Variants in CENPF observed in about 807,000 individuals in gnomAD.
CENPF encodes the protein AH antigen.
A neutral mutation model predicts 307.3 loss-of-function variants in CENPF; 214 were observed. That is an observed-to-expected ratio of 0.70 (90% CI 0.62 to 0.78). The LOEUF is 0.78. CENPF is among the 30% of genes least tolerant of loss of function. The probability of loss-of-function intolerance (pLI) is 0.00; values close to 1 mark genes in which losing one functional copy is unlikely to be tolerated. For synonymous variants in CENPF, 1,259 were observed against 1,270.6 expected, an observed-to-expected ratio of 0.99 and a Z score of 0.19; for missense variants, 3,401 against 3,483.9, an observed-to-expected ratio of 0.98 and a Z score of 0.60.
chr1:214,648,063 G>A, intron 13 of CENPF: 1 of 419,600 alleles, frequency 2.4e-6, no homozygotes, highest in South Asian at 1.7e-5. Flanking sequence ...CTAGGAAAGT[G>A]ATTTTGTCAC....
Position 214,648,739 on chromosome 1 carries a change from C to T in CENPF, c.7895C>T (p.Thr2632Ile). Residue 2632 changes from threonine (T) to isoleucine (I), a missense_variant, in exon 14 of 20, where the codon ACA (threonine) becomes ATA (isoleucine). Physicochemically the swap from Thr to Ile is moderately conservative, Grantham distance 89. Coordinates refer to ENST00000366955, the MANE Select transcript of CENPF (RefSeq NM_016343.4). The part of the protein sequence containing the change: ...QREMHEMAQK[T>I]AELQEELSGE... Reference sequence around the variant, plus strand: ...GAAATGCATGAGATGGCACAGAAAACAGCAGAGCTGCAAGAAGAACTCAGT... The same window carrying T: ...GAAATGCATGAGATGGCACAGAAAATAGCAGAGCTGCAAGAAGAACTCAGT... 1 of 1,614,032 alleles carries T rather than the reference C, an allele frequency of 6.2e-7. No homozygotes were observed. Among genetic ancestry groups the T allele is most frequent in the Non-Finnish European group, 8.5e-7 (1 of 1,179,958 alleles).
At chr1:214,639,891 C>A in intron 11 of CENPF, 30 bp from the exon 12 acceptor site, 1 of 1,437,052 alleles carries the variant, frequency 7.0e-7, no homozygotes, top group Non-Finnish European at 9.2e-7. Context: ...TTATTACAAA[C>A]ATTGACGACT....
intron 17 of CENPF, among the ~76,000 whole-genome samples, chr1:214,656,132 G>A (rs955750686): frequency 6.6e-6 from 1 of 152,164 alleles, no homozygotes; most frequent in Non-Finnish European, 1.5e-5. Flanking sequence ...GTGAGGGTGG[G>A]AGGCATATTT....
intron 7 of CENPF, among the ~76,000 whole-genome samples, chr1:214,626,495 G>C (rs1657659261): frequency 6.6e-6 from 1 of 152,190 alleles, no homozygotes. Context: ...GATATATAAA[G>C]GAACAATGGT....
intron 14 of CENPF, among the ~76,000 whole-genome samples, chr1:214,650,550 A>G (rs11801610): frequency 0.059 from 9,049 of 152,186 alleles, 874 homozygotes; most frequent in African/African-American, 0.21. Context: ...AAGGCTTGAT[A>G]AGGCAAACAC....
At chr1:214,652,187 C>A (rs1658492235) in intron 15 of CENPF, among the ~76,000 whole-genome samples, 1 of 151,046 alleles carries the variant, frequency 6.6e-6, no homozygotes, top group South Asian at 2.1e-4. Context: ...AGGTGCCCGC[C>A]ACCACGCCCG....
At chr1:214,612,307 C>T (rs929697945) in intron 1 of CENPF, among the ~76,000 whole-genome samples, 9 of 152,126 alleles carry the variant, frequency 5.9e-5, no homozygotes, top group Non-Finnish European at 1.2e-4. Flanking sequence ...AACCGTAAAT[C>T]CTGGCGATGA....
intron 1 of CENPF, chr1:214,608,948 G>A (rs943140788): frequency 2.8e-6 from 3 of 1,062,702 alleles, no homozygotes; most frequent in African/African-American, 1.7e-5. Flanking sequence ...GGGCAGGGGG[G>A]AGGGCGCCCC....
intron 1 of CENPF, among the ~76,000 whole-genome samples, chr1:214,604,564 C>T (rs1375293543): frequency 6.6e-6 from 1 of 152,022 alleles, no homozygotes; most frequent in Non-Finnish European, 1.5e-5. Flanking sequence ...ATGTTTATTC[C>T]CCTCATTTTC....
chr1:214,639,088 C>T (rs1186354546), intron 11 of CENPF, among the ~76,000 whole-genome samples: 1 of 152,206 alleles, frequency 6.6e-6, no homozygotes, highest in Non-Finnish European at 1.5e-5. Context: ...GATATGATGT[C>T]TGAGATTGTA....
In CENPF at chr1:214,639,978, A is replaced by G; in HGVS notation, c.1640A>G (p.Gln547Arg). 1 of 1,573,496 alleles carries G rather than the reference A, an allele frequency of 6.4e-7. No homozygotes were observed. The highest frequency in any genetic ancestry group is 8.6e-7 in the Non-Finnish European group (1 of 1,168,810). ...LRDLQEKINQ[Q>R]ENSLTLEKLK... ...GATCTTCAAGAAAAAATAAATCAGC[A>G]AGAAAACTCCTTGACTTTAGAAAAA... is the stretch of plus-strand genomic sequence containing the variant. The change falls in exon 12 of 20, where the codon CAA (glutamine) becomes CGA (arginine). Residue 547 changes from glutamine to arginine, a missense_variant. Gln to Arg is a conservative substitution (Grantham distance 43). Coordinates refer to ENST00000366955, the MANE Select transcript of CENPF (RefSeq NM_016343.4).
chr1:214,606,506 C>T (rs1657038104), intron 1 of CENPF, among the ~76,000 whole-genome samples: 1 of 152,198 alleles, frequency 6.6e-6, no homozygotes, highest in Non-Finnish European at 1.5e-5. Flanking sequence ...GCCAGGACAG[C>T]GGACACTCTT....
Position 214,643,216 on chromosome 1 carries a change from A to G in CENPF, c.4878A>G (p.Ala1626=), listed in dbSNP as rs201352796. The part of the protein sequence containing the change: ...VTLEMESKLA[A]EKKQTEQLSL... ...TGGAGATGGAGTCCAAGTTGGCGGC[A>G]GAAAAGAAACAGACGGAACAACTGT... Residue 1626 remains alanine (A), a synonymous_variant, in exon 12 of 20, where the codon GCA becomes GCG. Coordinates refer to ENST00000366955, the MANE Select transcript of CENPF (RefSeq NM_016343.4). The G allele has an allele frequency of 7.3e-4, 1,179 of 1,604,394 alleles. No individual in the cohort carries two copies. Among genetic ancestry groups the G allele is most frequent in the Non-Finnish European group, 9.4e-4 (1,107 of 1,176,848 alleles).
Position 214,646,792 on chromosome 1 carries a change from A to G in CENPF, c.7222A>G (p.Ile2408Val), listed in dbSNP as rs1474203926. The G allele has an allele frequency of 6.2e-7, 1 of 1,611,494 alleles. No individual in the cohort carries two copies. Among genetic ancestry groups the G allele is most frequent in the Non-Finnish European group, 8.5e-7 (1 of 1,178,972 alleles). ...TGAATTACAAAAAGAGCAAGAGCGA[A>G]TATCTGAATTAGAAATAATAAATTC... ...TNELQKEQER[I>V]SELEIINSSF... Residue 2408 changes from isoleucine to valine, a missense_variant, in exon 13 of 20, where the codon ATA becomes GTA. Physicochemically the swap from Ile to Val is conservative, Grantham distance 29 (BLOSUM62 3). Coordinates refer to ENST00000366955, the MANE Select transcript of CENPF (RefSeq NM_016343.4).
intron 1 of CENPF, chr1:214,605,730 A>T: frequency 6.3e-7 from 1 of 1,594,232 alleles, no homozygotes; most frequent in Non-Finnish European, 8.5e-7. Context: ...CCCTCCAGGT[A>T]CTGGCTGTAG....
In CENPF at chr1:214,642,627, C is replaced by G. The variant is rs76231205; in HGVS notation, c.4289C>G (p.Ser1430Cys). The G allele has an allele frequency of 4.1e-4, 659 of 1,613,564 alleles. 2 individuals carry two copies. In the African/African-American group the frequency reaches 8.1e-3, roughly 20 times the overall value. The change falls in exon 12 of 20, where the codon TCT becomes TGT. Residue 1430 changes from serine (S) to cysteine (C), a missense_variant. Coordinates refer to ENST00000366955, the MANE Select transcript of CENPF (RefSeq NM_016343.4). ...ILHDQHCQMS[S>C]KMSELQTYVD... Reference sequence around the variant, plus strand: ...CATGATCAGCACTGTCAGATGAGCTCTAAAATGTCAGAGCTGCAGACCTAT... The same window carrying G: ...CATGATCAGCACTGTCAGATGAGCTGTAAAATGTCAGAGCTGCAGACCTAT...
chr1:214,651,801 T>C lies in CENPF; in HGVS notation c.8075T>C (p.Val2692Ala), dbSNP rs775287543. 1.9e-6 allele frequency: 3 copies of C among 1,613,342 alleles called. No individual in the cohort carries two copies. The highest frequency in any genetic ancestry group is 2.5e-6 in the Non-Finnish European group (3 of 1,179,792). Residue 2692 changes from valine (V) to alanine (A), a missense_variant, in exon 15 of 20, where the codon GTG becomes GCG. Val to Ala is a moderately conservative substitution (Grantham distance 64). Coordinates refer to ENST00000366955, the MANE Select transcript of CENPF (RefSeq NM_016343.4). ...GACCAGGTGGAAAAGGAAGGGAAAGTGAGAGAGGAAATAGCTGAATATCAG... is the reference window on the plus strand; with the variant it reads ...GACCAGGTGGAAAAGGAAGGGAAAGCGAGAGAGGAAATAGCTGAATATCAG... ...HKDQVEKEGKVREEIAEYQLR... is the reference protein window; with the variant it reads ...HKDQVEKEGKAREEIAEYQLR...
chr1:214,630,492 C>G (rs758161321), intron 8 of CENPF, 42 bp from the exon 9 acceptor site: 1 of 1,610,944 alleles, frequency 6.2e-7, no homozygotes, highest in Non-Finnish European at 8.5e-7. Context: ...GTCTCCCTAG[C>G]GAACCATCAT....
rs540841824 is a variant in CENPF at position 214,626,447 on chromosome 1, G to C, written c.1069-2599G>C. ...CATTTTTATATATTCTCCTAGTGCA[G>C]TGCCTTATACAGAGAAATTCTGGAA... On this transcript the variant is annotated intron_variant, in intron 7 of 19. Coordinates refer to ENST00000366955, the MANE Select transcript of CENPF (RefSeq NM_016343.4). Among the ~76,000 whole-genome samples the C allele has an allele frequency of 2.6e-5, 4 of 152,258 alleles. No individual in the cohort carries two copies. The East Asian group carries it at 7.7e-4, about 29-fold the overall frequency.
Sources: allele counts gnomAD v4.1 joint callset (sites outside exome capture counted in the v4.1 genomes callset), GRCh38; gene constraint gnomAD v4.1.1; transcripts MANE v1.5; gene names NCBI Gene and HGNC (gene_info 2026-07-23, HGNC 2026-07-21).